SLCO3A1: variants seen among roughly 807,000 people sequenced by gnomAD.
The protein encoded by SLCO3A1 is solute carrier organic anion transporter family member 3A1, also known as PGE1 transporter.
SLCO3A1 carries 27 observed loss-of-function variants against 63.1 expected under a neutral mutation model. The ratio of observed to expected loss-of-function variants is 0.43; its 90% CI spans 0.32 to 0.59. SLCO3A1 has a LOEUF of 0.59. SLCO3A1 is among the 20% of genes least tolerant of loss of function. SLCO3A1 has a pLI of 0.09. For synonymous variants in SLCO3A1, 473 were observed against 409.9 expected (o/e 1.15, Z -1.86); for missense variants, 773 against 945.8 (o/e 0.82, Z 2.40).
intron 2 of SLCO3A1, among the ~76,000 whole-genome samples, chr15:92,081,619 C>G (rs1030168310): frequency 6.6e-6 from 1 of 152,202 alleles, no homozygotes; most frequent in Non-Finnish European, 1.5e-5. Flanking sequence ...CTGCCCACCT[C>G]GGCCTCCCAA....
At chr15:92,152,079 T>A (rs1359314216) in intron 9 of SLCO3A1, among the ~76,000 whole-genome samples, 1 of 152,234 alleles carries the variant, frequency 6.6e-6, no homozygotes, top group Non-Finnish European at 1.5e-5. Flanking sequence ...TGTAATAACT[T>A]TTGCAATATT....
rs1475386486 is a variant in SLCO3A1, at chr15:91,912,399, A to C, written c.181-3594A>C. Reference sequence around the variant, plus strand: ...AGAAGGCCACAGGTCAAGGAGGGAAAGACCGTACTACTTCCTGTCACCCCT... The same window carrying C: ...AGAAGGCCACAGGTCAAGGAGGGAACGACCGTACTACTTCCTGTCACCCCT... On this transcript the variant is annotated intron_variant, in intron 1 of 9. Transcript: ENST00000318445. This position sits in a 1 kb window ranked among gnomAD's most constrained non-coding sequence, Gnocchi z 5.0. Among the ~76,000 whole-genome samples, 1 of 152,230 alleles carries C rather than the reference A, an allele frequency of 6.6e-6. No homozygotes were observed. Among genetic ancestry groups the C allele is most frequent in the Non-Finnish European group, 1.5e-5 (1 of 68,046 alleles).
intron 9 of SLCO3A1, among the ~76,000 whole-genome samples, chr15:92,156,463 C>T (rs967134277): frequency 1.3e-5 from 2 of 152,192 alleles, no homozygotes; most frequent in Non-Finnish European, 2.9e-5. Context: ...GTCACACCTG[C>T]TCTTGAGCCT....
chr15:92,128,246 G>A (rs2047949171), intron 6 of SLCO3A1, 105 bp from the exon 7 acceptor site: 2 of 1,325,666 alleles, frequency 1.5e-6, no homozygotes, highest in African/African-American at 1.5e-5. Flanking sequence ...CCATAAGCAG[G>A]GTACCACGCG....
Position 92,126,203 on chromosome 15 carries a change from C to T in SLCO3A1, c.1317C>T (p.Leu439=), listed in dbSNP as rs980475507. ...CCACTGCTTGCTACGTCTCCTTCCT[C>T]TTCCTGGGCTGCGACACTGGCCCTG... ...LVSTACYVSF[L]FLGCDTGPVA... Residue 439 remains leucine (L), a synonymous_variant, in exon 6 of 10, where the codon CTC becomes CTT. Coordinates refer to ENST00000318445, the MANE Select transcript of SLCO3A1 (RefSeq NM_013272.4). The T allele has an allele frequency of 1.9e-6, 3 of 1,614,106 alleles. No homozygotes were observed. Among genetic ancestry groups the T allele is most frequent in the Non-Finnish European group, 1.7e-6 (2 of 1,180,028 alleles).
In SLCO3A1 at chr15:92,047,496, T is replaced by TATATATA. The variant is rs1567087604; in HGVS notation, c.647-47383_647-47377dup. 4.9e-3 allele frequency among the ~76,000 whole-genome samples: 89 copies of TATATATA among 18,024 alleles called. 8 individuals are homozygous for TATATATA. Among genetic ancestry groups the TATATATA allele is most frequent in the African/African-American group, 8.1e-3 (45 of 5,588 alleles). 11.8% of individuals were successfully genotyped at this position (18,024 alleles called of 152,430 possible). Reference sequence around the variant, plus strand: ...AAATATATATAAATATATATATAAATATATATAAATATATATAAATACATA... The same window carrying TATATATA: ...AAATATATATAAATATATATATAAATATATATAATATATAAATATATATAAATACATA... On this transcript the variant is annotated intron_variant, in intron 2 of 9. Transcript: ENST00000318445.
At chr15:92,022,023 C>G (rs1169855224) in intron 2 of SLCO3A1, among the ~76,000 whole-genome samples, 1 of 152,188 alleles carries the variant, frequency 6.6e-6, no homozygotes, top group South Asian at 2.1e-4. Context: ...GCTCTAGATT[C>G]AGCCAGAAGG....
At chr15:91,884,202 A>G (rs925060012) in intron 1 of SLCO3A1, among the ~76,000 whole-genome samples, 3 of 152,314 alleles carry the variant, frequency 2.0e-5, no homozygotes, top group Admixed American at 6.5e-5. Context: ...GAAAGTGGCA[A>G]CACTGGACAT....
intron 2 of SLCO3A1, among the ~76,000 whole-genome samples, chr15:92,056,566 C>T (rs1567094124): frequency 6.6e-6 from 1 of 152,206 alleles, no homozygotes; most frequent in Non-Finnish European, 1.5e-5. Context: ...ATTACTTCCT[C>T]CCATGTAGTA....
chr15:92,075,985 C>T (rs1023968988), intron 2 of SLCO3A1, among the ~76,000 whole-genome samples: 7 of 152,188 alleles, frequency 4.6e-5, no homozygotes, highest in Non-Finnish European at 1.0e-4. Flanking sequence ...GTTGGTCTGG[C>T]GTGACTTGTT....
At chr15:91,927,796 C>G (rs1899083047) in intron 2 of SLCO3A1, among the ~76,000 whole-genome samples, 2 of 152,188 alleles carry the variant, frequency 1.3e-5, no homozygotes, top group African/African-American at 4.8e-5. Flanking sequence ...AATTTGGATT[C>G]TCAGCAAGAG....
intron 2 of SLCO3A1, among the ~76,000 whole-genome samples, chr15:92,026,035 C>G (rs1193762718): frequency 2.6e-5 from 4 of 152,172 alleles, no homozygotes; most frequent in Non-Finnish European, 5.9e-5. Context: ...TCAGCGCATC[C>G]CTGAGAGCTC....
chr15:92,000,414 AAAG>A (rs909029469), intron 2 of SLCO3A1, among the ~76,000 whole-genome samples: 4 of 151,992 alleles, frequency 2.6e-5, no homozygotes, highest in Non-Finnish European at 5.9e-5. Flanking sequence ...AAAAAAAAAA[AAAG>A]AATCTGGGGA....
At chr15:91,905,053 G>A (rs552092121) in intron 1 of SLCO3A1, among the ~76,000 whole-genome samples, 23 of 152,290 alleles carry the variant, frequency 1.5e-4, no homozygotes, top group African/African-American at 4.8e-4. Context: ...AGATGCTTAC[G>A]CTCATCCCTA....
intron 2 of SLCO3A1, among the ~76,000 whole-genome samples, chr15:91,917,968 GA>G (rs922170717): frequency 3.3e-5 from 5 of 152,190 alleles, no homozygotes; most frequent in African/African-American, 1.2e-4. Context: ...GTGAAAACCT[GA>G]ATTGTTGTCT....
rs954988374 is a variant in SLCO3A1, at chr15:91,941,437, G to A, written c.646+24979G>A. On this transcript the variant is annotated intron_variant, in intron 2 of 9. Transcript: ENST00000318445. This position sits in a 1 kb window ranked among gnomAD's most constrained non-coding sequence, Gnocchi z 4.4. Reference sequence around the variant, plus strand: ...GGGAGTGGCGCTGTCACTCGTTGAGGTGGTGGCCTGGTTCCTTTGGCCTTA... The same window carrying A: ...GGGAGTGGCGCTGTCACTCGTTGAGATGGTGGCCTGGTTCCTTTGGCCTTA... The A allele has an allele frequency of 1.2e-5, 5 of 433,420 alleles. No individual in the cohort carries two copies. The East Asian group carries it at 2.1e-4, about 18-fold the overall frequency. 26.8% of individuals were successfully genotyped at this position (433,420 alleles called of 1,614,324 possible).
chr15:91,908,253 G>A (rs1164664660), intron 1 of SLCO3A1, among the ~76,000 whole-genome samples: 1 of 148,332 alleles, frequency 6.7e-6, no homozygotes. Context: ...GGTGTAGACT[G>A]GAGTTTAGAG....
intron 1 of SLCO3A1, among the ~76,000 whole-genome samples, chr15:91,906,289 G>A (rs1205031082): frequency 6.6e-6 from 1 of 152,152 alleles, no homozygotes; most frequent in African/African-American, 2.4e-5. Context: ...CTATTTCTTT[G>A]GGTACTGATT....
intron 2 of SLCO3A1, among the ~76,000 whole-genome samples, chr15:92,055,261 G>T (rs540408819): frequency 6.6e-6 from 1 of 152,070 alleles, no homozygotes; most frequent in Non-Finnish European, 1.5e-5. Context: ...AGAAGTTTCT[G>T]TTCATGTCTG....
Sources: gnomAD v4.1 joint callset for allele counts (sites outside exome capture counted in the v4.1 genomes callset) on GRCh38, gnomAD v4.1.1 for gene constraint, Gnocchi (gnomAD v3.1) non-coding constraint, MANE v1.5 for transcripts, NCBI Gene and HGNC (gene_info 2026-07-23, HGNC 2026-07-21) for gene names.